Variants in PLXNA4 observed in about 807,000 individuals in gnomAD.
PLXNA4 encodes the protein plexin-A4.
PLXNA4 carries 44 observed loss-of-function variants against 191.8 expected under a neutral mutation model. The observed-to-expected ratio is 0.23, with a 90% CI of 0.18 to 0.29. The LOEUF (loss-of-function observed/expected upper bound fraction) is 0.29, where lower values mean the gene tolerates loss of function less well. PLXNA4 is among the 10% of genes least tolerant of loss of function. The pLI is 1.00. For synonymous variants in PLXNA4, 1,082 were observed against 1,009.5 expected, an observed-to-expected ratio of 1.07 and a Z score of -1.36; for missense variants, 1,800 against 2,488.8, an observed-to-expected ratio of 0.72 and a Z score of 5.89.
intron 14 of PLXNA4, among the ~76,000 whole-genome samples, chr7:132,190,591 C>T (rs750021929): frequency 6.6e-5 from 10 of 152,190 alleles, no homozygotes; most frequent in South Asian, 4.1e-4. Flanking sequence ...GGAGGTTTAG[C>T]GCTGCCTATG....
chr7:132,456,111 CTTTTTTTT>C (rs548680891), intron 3 of PLXNA4, among the ~76,000 whole-genome samples: 51 of 129,048 alleles, frequency 4.0e-4, no homozygotes, highest in African/African-American at 1.5e-3. Context: ...CTCCTCTGTT[CTTTTTTTT>C]TTTTTTTTTT....
At chr7:132,378,297 G>A (rs372464127) in intron 3 of PLXNA4, among the ~76,000 whole-genome samples, 3 of 152,124 alleles carry the variant, frequency 2.0e-5, no homozygotes, top group Admixed American at 6.5e-5. Context: ...AACTTAACAC[G>A]TGCTTTAGAG....
At chr7:132,435,371 A>G (rs765575431) in intron 3 of PLXNA4, among the ~76,000 whole-genome samples, 88 of 152,132 alleles carry the variant, frequency 5.8e-4, no homozygotes, top group South Asian at 1.0e-3. Flanking sequence ...ACTACTTAAT[A>G]CAGTTGCTCA....
At chr7:132,609,780 C>G (rs999128591) in intron 2 of PLXNA4, among the ~76,000 whole-genome samples, 14 of 152,190 alleles carry the variant, frequency 9.2e-5, no homozygotes, top group African/African-American at 3.4e-4. Flanking sequence ...ACTGGGCTGC[C>G]CCCCATTGGC....
In PLXNA4 at chr7:132,463,247, G is replaced by T. The variant is rs1472981202; in HGVS notation, c.1371+26045C>A. Among the ~76,000 whole-genome samples the T allele has an allele frequency of 2.0e-5, 3 of 152,250 alleles. No individual in the cohort carries two copies. The East Asian group carries it at 5.8e-4, about 29-fold the overall frequency. On this transcript the variant is annotated intron_variant, in intron 3 of 31. Transcript: ENST00000321063. ...TGTTCTTCCCAGGGGAGGAGGAAGGGCCAGAGAGGATTTGGAAGGTATTAT... is the reference window on the plus strand; with the variant it reads ...TGTTCTTCCCAGGGGAGGAGGAAGGTCCAGAGAGGATTTGGAAGGTATTAT...
chr7:132,338,902 A>T (rs1481198433), intron 3 of PLXNA4, among the ~76,000 whole-genome samples: 1 of 152,170 alleles, frequency 6.6e-6, no homozygotes, highest in Non-Finnish European at 1.5e-5. Context: ...AGTATCCTAA[A>T]GTTATGGAGG....
chr7:132,445,157 G>GAAAAAAAAAAAAAAAAAAAA (rs71529762), intron 3 of PLXNA4, among the ~76,000 whole-genome samples: 2 of 53,800 alleles, frequency 3.7e-5, no homozygotes, highest in Admixed American at 3.1e-4. Context: ...TCCATCTCAG[G>GAAAAAAAAAAAAAAAAAAAA]AAAAAAAAAA....
rs748274364 is a variant in PLXNA4, at chr7:132,185,281, G to A, written c.3158+18C>T. The stretch of plus-strand genomic sequence containing the variant: ...CAGAGGTGCAGAAGCATTAAGGTCC[G>A]CTTGGGCCAGCTCCTACCTGACAAT... On this transcript the variant is annotated intron_variant, in intron 16 of 31. Transcript: ENST00000321063. 3.2e-5 allele frequency: 52 copies of A among 1,602,256 alleles called. No homozygotes were observed. The highest frequency in any genetic ancestry group is 4.5e-5 in the East Asian group (2 of 44,594).
At chr7:132,603,223 C>G (rs1340081487) in intron 2 of PLXNA4, among the ~76,000 whole-genome samples, 2 of 151,254 alleles carry the variant, frequency 1.3e-5, no homozygotes, top group Non-Finnish European at 2.9e-5. Flanking sequence ...GCAACATAGA[C>G]TGCTGGGATC....
chr7:132,559,814 C>T (rs1465952662), intron 1 of PLXNA4, among the ~76,000 whole-genome samples: 1 of 152,192 alleles, frequency 6.6e-6, no homozygotes, highest in East Asian at 1.9e-4. Context: ...TTCATTTTTT[C>T]CCCATGTATT....
At chr7:132,206,645 G>T (rs1158440010) in intron 10 of PLXNA4, among the ~76,000 whole-genome samples, 1 of 152,126 alleles carries the variant, frequency 6.6e-6, no homozygotes, top group Non-Finnish European at 1.5e-5. Flanking sequence ...TCTGTCTCTA[G>T]GGAAGTTTCC....
chr7:132,340,020 G>A (rs915989684), intron 3 of PLXNA4, among the ~76,000 whole-genome samples: 2 of 152,170 alleles, frequency 1.3e-5, no homozygotes, highest in African/African-American at 4.8e-5. Context: ...TGCCTAGCTA[G>A]CCATAGCAGG....
At chr7:132,340,868 G>A (rs1319781962) in intron 3 of PLXNA4, among the ~76,000 whole-genome samples, 2 of 152,100 alleles carry the variant, frequency 1.3e-5, no homozygotes, top group Non-Finnish European at 2.9e-5. Context: ...ATTAGAGACG[G>A]GGTTTCACCA....
intron 4 of PLXNA4, among the ~76,000 whole-genome samples, chr7:132,278,963 C>T (rs936251110): frequency 1.3e-5 from 2 of 152,154 alleles, no homozygotes; most frequent in Admixed American, 6.5e-5. Context: ...GGAGGTTGAT[C>T]GTGACTCGGC....
At chr7:132,527,003 T>C (rs571200093) in intron 1 of PLXNA4, among the ~76,000 whole-genome samples, 329 of 152,280 alleles carry the variant, frequency 2.2e-3, no homozygotes, top group Non-Finnish European at 2.7e-3. Flanking sequence ...ATAGTAACTG[T>C]CTCTATTTAT....
intron 24 of PLXNA4, among the ~76,000 whole-genome samples, chr7:132,162,593 A>G (rs1795982770): frequency 6.6e-6 from 1 of 152,160 alleles, no homozygotes; most frequent in Non-Finnish European, 1.5e-5. Context: ...TTTACGCAGT[A>G]CTTCTATCTC....
intron 14 of PLXNA4, among the ~76,000 whole-genome samples, chr7:132,189,647 C>T (rs73499376): frequency 1.3e-5 from 2 of 152,132 alleles, no homozygotes; most frequent in South Asian, 2.1e-4. Context: ...TCCAGGGGAG[C>T]TAGGGGCTTC....
intron 3 of PLXNA4, among the ~76,000 whole-genome samples, chr7:132,363,594 G>C (rs1253808478): frequency 1.3e-5 from 2 of 152,090 alleles, no homozygotes; most frequent in African/African-American, 4.8e-5. Context: ...CCATTCATCT[G>C]TTGATGGACA....
intron 3 of PLXNA4, among the ~76,000 whole-genome samples, chr7:132,348,362 T>A (rs1803335078): frequency 6.6e-6 from 1 of 152,210 alleles, no homozygotes; most frequent in African/African-American, 2.4e-5. Context: ...TCACTAGCAT[T>A]TCTCCTGTAT....
Sources: allele counts gnomAD v4.1 joint callset (sites outside exome capture counted in the v4.1 genomes callset), GRCh38; gene constraint gnomAD v4.1.1; transcripts MANE v1.5; gene names NCBI Gene and HGNC (gene_info 2026-07-23, HGNC 2026-07-21).